LPL: variants seen among roughly 807,000 people sequenced by gnomAD.
LPL encodes lipoprotein lipase, also known as phospholipase A1.
In LPL, 43 loss-of-function variants were observed where a neutral mutation model predicts 52.2. The ratio of observed to expected loss-of-function variants is 0.82; its 90% CI spans 0.64 to 1.06. LPL has a LOEUF of 1.06. LPL is among the 50% of genes least tolerant of loss of function. LPL has a pLI of 0.00. For synonymous variants in LPL, 244 were observed against 215.6 expected (o/e 1.13, Z -1.15); for missense variants, 639 against 585.3 (o/e 1.09, Z -0.95).
intron 6 of LPL, among the ~76,000 whole-genome samples, chr8:19,958,965 C>T (rs2070012852): frequency 6.6e-6 from 1 of 152,232 alleles, no homozygotes; most frequent in Non-Finnish European, 1.5e-5. Context: ...ATCTCCCTAG[C>T]ACCCCTCAAA....
At chr8:19,947,753 G>A (rs2069894761) in intron 1 of LPL, among the ~76,000 whole-genome samples, 1 of 145,392 alleles carries the variant, frequency 6.9e-6, no homozygotes, top group African/African-American at 2.5e-5. Context: ...CTTCAAAGTG[G>A]AACTGAGAGA....
chr8:19,958,248 C>T (rs1383708633), intron 6 of LPL, among the ~76,000 whole-genome samples: 35 of 152,114 alleles, frequency 2.3e-4, no homozygotes, highest in Admixed American at 2.3e-3. Flanking sequence ...TCTCAAACTC[C>T]TGACCTCAGG....
In LPL at chr8:19,951,793, GT is replaced by G; in HGVS notation, c.275del (p.Val92GlyfsTer80). ...GGTAACAGGAATGTATGAGAGTTGG[GT>G]GCCAAAACTTGTGGCCGCCCTGTAC... The part of the protein sequence containing the change: ...WTVTGMYESW[V>X]PKLVAALYKR... On this transcript the variant is annotated frameshift_variant, in exon 3 of 10. Transcript: ENST00000650287. LOFTEE classifies it high-confidence loss of function. 6.2e-7 allele frequency: 1 copy of G among 1,614,180 alleles called. No homozygotes were observed. The highest frequency in any genetic ancestry group is 1.6e-4 in the Middle Eastern group (1 of 6,062).
At position 19,939,483 on chromosome 8, in the gene LPL, C is replaced by A. The variant is rs781367198; in HGVS notation, c.43C>A (p.Leu15Ile). The A allele has an allele frequency of 6.8e-6, 11 of 1,610,848 alleles. No individual in the cohort carries two copies. Among genetic ancestry groups the A allele is most frequent in the South Asian group, 1.1e-5 (1 of 90,774 alleles). Residue 15 changes from leucine (L) to isoleucine (I), a missense_variant, in exon 1 of 10, where the codon CTC (leucine) becomes ATC (isoleucine). Transcript: ENST00000650287. This position sits in a 1 kb window ranked among gnomAD's most constrained non-coding sequence, Gnocchi z 4.0. ...GCTCGTGCTGACTCTGGCCGTGTGG[C>A]TCCAGAGTCTGACCGCCTCCCGCGG... ...ALLVLTLAVW[L>I]QSLTASRGGV...
chr8:19,949,852 C>T (rs548480732), intron 2 of LPL, among the ~76,000 whole-genome samples: 1 of 152,278 alleles, frequency 6.6e-6, no homozygotes, highest in African/African-American at 2.4e-5. Flanking sequence ...TTCAAAAAAT[C>T]TGAGCTTAAT....
At position 19,965,928 on chromosome 8, in the gene LPL, G is replaced by C. The variant is rs2070085121; in HGVS notation, c.*618G>C. The stretch of plus-strand genomic sequence containing the variant: ...TTTAAACAGTCCCTACCATTGGCCT[G>C]CATCATGACAAAGTTACAAATTCAA... On this transcript the variant is annotated 3_prime_UTR_variant, in exon 10 of 10. Coordinates refer to ENST00000650287, the MANE Select transcript of LPL (RefSeq NM_000237.3). 6.6e-6 allele frequency: 1 copy of C among 152,090 alleles called. No individual in the cohort carries two copies. 9.4% of individuals were successfully genotyped at this position (152,090 alleles called of 1,614,324 possible).
Position 19,942,737 on chromosome 8 carries a change from C to G in LPL, c.88+3209C>G, listed in dbSNP as rs186843702. ...GTTTGAAATTTACTCTGAACGATGT[C>G]TGTTCACTAGACTGCGTGACTGCAG... On this transcript the variant is annotated intron_variant, in intron 1 of 9. Transcript: ENST00000650287. Among the ~76,000 whole-genome samples the G allele has an allele frequency of 1.4e-4, 21 of 152,332 alleles. No homozygotes were observed. The East Asian group carries it at 3.9e-3, about 28-fold the overall frequency.
intron 6 of LPL, among the ~76,000 whole-genome samples, chr8:19,958,347 A>C (rs1018660572): frequency 9.2e-5 from 14 of 151,758 alleles, no homozygotes; most frequent in African/African-American, 3.4e-4. Context: ...TTCCTCCATC[A>C]TCATGGTTCT....
chr8:19,953,434 T>C lies in LPL; in HGVS notation c.541+13T>C. On this transcript the variant is annotated intron_variant, in intron 4 of 9. Coordinates refer to ENST00000650287, the MANE Select transcript of LPL (RefSeq NM_000237.3). ...AACAGAATTACTGGTAAGAAAGCAA[T>C]TTCGTTGGTCTTATCATAAGAGGTG... 1 of 1,590,834 alleles carries C rather than the reference T, an allele frequency of 6.3e-7. No homozygotes were observed. The highest frequency in any genetic ancestry group is 8.6e-7 in the Non-Finnish European group (1 of 1,159,108).
At chr8:19,948,436 C>A in intron 2 of LPL, 96 bp downstream of exon 2, 1 of 1,374,222 alleles carries the variant, frequency 7.3e-7, no homozygotes, top group South Asian at 1.3e-5. Flanking sequence ...GTCCGCACCC[C>A]ACATCTCACG....
intron 2 of LPL, among the ~76,000 whole-genome samples, chr8:19,951,279 A>C (rs958217028): frequency 1.3e-5 from 2 of 152,162 alleles, no homozygotes; most frequent in South Asian, 4.1e-4. Context: ...CATTAACATT[A>C]CATTCTGAAG....
intron 1 of LPL, among the ~76,000 whole-genome samples, chr8:19,943,808 C>T (rs573172962): frequency 1.8e-4 from 28 of 152,114 alleles, no homozygotes; most frequent in Admixed American, 1.7e-3. Flanking sequence ...GAAGGTTAGC[C>T]CTAATATTGG....
chr8:19,965,254 A>C, intron 9 of LPL, 56 bp from the exon 10 acceptor site: 1 of 776,800 alleles, frequency 1.3e-6, no homozygotes, highest in Non-Finnish European at 2.4e-6. Context: ...GACAGGCGGG[A>C]ATTGTAAAAC....
chr8:19,945,317 G>A (rs549923674), intron 1 of LPL, among the ~76,000 whole-genome samples: 1 of 152,236 alleles, frequency 6.6e-6, no homozygotes, highest in African/African-American at 2.4e-5. Context: ...TCCTCGGGGG[G>A]TTGCAAACAC....
At chr8:19,957,596 C>T (rs981852064) in intron 6 of LPL, among the ~76,000 whole-genome samples, 1 of 152,190 alleles carries the variant, frequency 6.6e-6, no homozygotes, top group East Asian at 1.9e-4. Flanking sequence ...CCTCACCACT[C>T]CCAGCTTCTT....
intron 1 of LPL, among the ~76,000 whole-genome samples, chr8:19,943,405 A>G (rs2069857014): frequency 1.3e-5 from 2 of 152,238 alleles, no homozygotes; most frequent in South Asian, 4.1e-4. Flanking sequence ...AATTACGGTG[A>G]AAAACAGTAT....
In LPL at chr8:19,944,767, C is replaced by T. The variant is rs1409021693; in HGVS notation, c.89-3413C>T. ...TAAATTCTTTGTCTTTGTTTACACA[C>T]TCAGATTTGTAGTTATTTATTTAGG... is the stretch of plus-strand genomic sequence containing the variant. On this transcript the variant is annotated intron_variant, in intron 1 of 9. Transcript: ENST00000650287. The surrounding 1 kb of genome is among the most constrained non-coding windows in gnomAD (Gnocchi z 4.2). Among the ~76,000 whole-genome samples the T allele has an allele frequency of 6.6e-6, 1 of 152,170 alleles. No individual in the cohort carries two copies. Among genetic ancestry groups the T allele is most frequent in the Non-Finnish European group, 1.5e-5 (1 of 68,030 alleles).
intron 1 of LPL, among the ~76,000 whole-genome samples, chr8:19,940,089 C>G: frequency 6.6e-6 from 1 of 152,176 alleles, no homozygotes; most frequent in Non-Finnish European, 1.5e-5. Flanking sequence ...CTCGGCGGGG[C>G]CCCTCGCTCC....
At position 19,939,557 on chromosome 8, in the gene LPL, C is replaced by T. The variant is rs779365858; in HGVS notation, c.88+29C>T. ...AGTTTTGCGCGCAAACTCCCCTCCA[C>T]CTGCAGACCCGGCGGGTGGCCACTG... On this transcript the variant is annotated intron_variant, in intron 1 of 9. Coordinates refer to ENST00000650287, the MANE Select transcript of LPL (RefSeq NM_000237.3). This position sits in a 1 kb window ranked among gnomAD's most constrained non-coding sequence, Gnocchi z 4.0. 13 of 1,592,076 alleles carry T rather than the reference C, an allele frequency of 8.2e-6. No individual in the cohort carries two copies. Among genetic ancestry groups the T allele is most frequent in the Non-Finnish European group, 1.1e-5 (13 of 1,170,760 alleles).
Sources: gnomAD v4.1 joint callset for allele counts (sites outside exome capture counted in the v4.1 genomes callset) on GRCh38, gnomAD v4.1.1 for gene constraint, Gnocchi (gnomAD v3.1) non-coding constraint, MANE v1.5 for transcripts, NCBI Gene and HGNC (gene_info 2026-07-23, HGNC 2026-07-21) for gene names.